Variants in ZNF804B observed in about 807,000 individuals in gnomAD.
The protein encoded by ZNF804B is zinc finger 804B.
In ZNF804B, 80 loss-of-function variants were observed where a neutral mutation model predicts 101.4. That is an observed-to-expected ratio of 0.79 (90% CI 0.66 to 0.95). The LOEUF (loss-of-function observed/expected upper bound fraction) is 0.95. Ranked by LOEUF, ZNF804B falls within the 40% of genes least tolerant of loss-of-function variation. The pLI, the probability that ZNF804B is intolerant of heterozygous loss-of-function variation, is 0.00. For synonymous variants in ZNF804B, 622 were observed against 558.8 expected (o/e 1.11, Z -1.59); for missense variants, 1,673 against 1,561.9 (o/e 1.07, Z -1.20).
intron 1 of ZNF804B, among the ~76,000 whole-genome samples, chr7:88,886,261 A>G (rs1392628657): frequency 6.6e-6 from 1 of 151,990 alleles, no homozygotes; most frequent in Non-Finnish European, 1.5e-5. Flanking sequence ...CTTGCTCTGC[A>G]TGGATGTATA....
At chr7:88,962,205 T>C (rs1276361981) in intron 1 of ZNF804B, among the ~76,000 whole-genome samples, 2 of 151,300 alleles carry the variant, frequency 1.3e-5, no homozygotes, top group Non-Finnish European at 3.0e-5. Flanking sequence ...CCAGAAGTTG[T>C]TTTGTAGAAT....
intron 1 of ZNF804B, among the ~76,000 whole-genome samples, chr7:88,819,877 A>T (rs907561103): frequency 1.3e-5 from 2 of 152,112 alleles, no homozygotes; most frequent in Non-Finnish European, 2.9e-5. Context: ...GAACTGACCC[A>T]TTTGTATTGG....
intron 2 of ZNF804B, among the ~76,000 whole-genome samples, chr7:89,248,393 G>A (rs1789484206): frequency 6.6e-6 from 1 of 150,436 alleles, no homozygotes; most frequent in African/African-American, 2.5e-5. Flanking sequence ...AACACTATCA[G>A]GCTAACAGTG....
chr7:89,241,893 CTT>C (rs76245356), intron 2 of ZNF804B, among the ~76,000 whole-genome samples: 3 of 133,594 alleles, frequency 2.2e-5, no homozygotes, highest in Admixed American at 7.5e-5. Flanking sequence ...CTACCTTTTT[CTT>C]TTTTTTTTTT....
At chr7:88,833,379 C>G (rs1791161237) in intron 1 of ZNF804B, among the ~76,000 whole-genome samples, 1 of 151,966 alleles carries the variant, frequency 6.6e-6, no homozygotes, top group Admixed American at 6.6e-5. Flanking sequence ...GGGATGAAAA[C>G]TGCTGTCTTG....
intron 1 of ZNF804B, among the ~76,000 whole-genome samples, chr7:88,870,811 A>T (rs2115878521): frequency 6.6e-6 from 1 of 152,286 alleles, no homozygotes; most frequent in Non-Finnish European, 1.5e-5. Flanking sequence ...TAAACAAAAT[A>T]TTCTTGAATC....
chr7:89,296,090 C>T (rs1296798465), intron 2 of ZNF804B, among the ~76,000 whole-genome samples: 2 of 152,074 alleles, frequency 1.3e-5, no homozygotes, highest in African/African-American at 2.4e-5. Flanking sequence ...TGTCAGAATT[C>T]ATCACTATAT....
At chr7:89,144,915 G>T (rs1790770637) in intron 1 of ZNF804B, among the ~76,000 whole-genome samples, 1 of 151,782 alleles carries the variant, frequency 6.6e-6, no homozygotes, top group Non-Finnish European at 1.5e-5. Context: ...AGTCCACCTT[G>T]GGCCAAATGG....
At chr7:88,905,057 C>T (rs1351408064) in intron 1 of ZNF804B, among the ~76,000 whole-genome samples, 5 of 152,070 alleles carry the variant, frequency 3.3e-5, no homozygotes, top group Non-Finnish European at 5.9e-5. Flanking sequence ...CAACTTTTGC[C>T]TGTTTAGTAT....
intron 2 of ZNF804B, among the ~76,000 whole-genome samples, chr7:89,268,895 T>TA (rs1789840971): frequency 1.3e-5 from 2 of 152,104 alleles, no homozygotes; most frequent in Non-Finnish European, 2.9e-5. Flanking sequence ...AAGAGAAGAC[T>TA]CAGATCAGGC....
rs1261617236 is a variant in ZNF804B, at chr7:88,845,291, G to GCGCA, written c.108+85208_108+85209insGCAC. Among the ~76,000 whole-genome samples, 248 of 106,534 alleles carry GCGCA rather than the reference G, an allele frequency of 2.3e-3. 1 individual carries two copies. The highest frequency in any genetic ancestry group is 9.1e-3 in the African/African-American group (235 of 25,778). The allele number at this position is 106,534 out of a possible 152,430, so 69.9% of individuals were successfully genotyped here. On this transcript the variant is annotated intron_variant, in intron 1 of 3. Coordinates refer to ENST00000333190, the MANE Select transcript of ZNF804B (RefSeq NM_181646.5). ...TGCGCATGTGTGCGCACGCGCGCGC[G>GCGCA]CACGCGCGCGCACACACACACACAC...
intron 1 of ZNF804B, among the ~76,000 whole-genome samples, chr7:89,134,924 T>C (rs1430253250): frequency 6.6e-6 from 1 of 152,096 alleles, no homozygotes; most frequent in East Asian, 1.9e-4. Context: ...GTGCCTGTTA[T>C]TTTTGGTCAG....
intron 1 of ZNF804B, among the ~76,000 whole-genome samples, chr7:89,214,377 C>A (rs7776494): frequency 0.71 from 108,090 of 151,892 alleles, 39,113 homozygotes; most frequent in African/African-American, 0.77. Context: ...TGAATGAATT[C>A]ATTATATATC....
At chr7:88,788,810 G>A (rs1226394140) in intron 1 of ZNF804B, among the ~76,000 whole-genome samples, 1 of 152,136 alleles carries the variant, frequency 6.6e-6, no homozygotes, top group Non-Finnish European at 1.5e-5. Context: ...TGCAACTAGA[G>A]TGATCAGGGA....
intron 1 of ZNF804B, among the ~76,000 whole-genome samples, chr7:88,919,899 T>A (rs1454373183): frequency 6.6e-6 from 1 of 152,082 alleles, no homozygotes; most frequent in South Asian, 2.1e-4. Flanking sequence ...AGACATGTGT[T>A]AAGTACAGAA....
At chr7:89,220,030 TACGC>T (rs2115705030) in intron 2 of ZNF804B, among the ~76,000 whole-genome samples, 1 of 138,514 alleles carries the variant, frequency 7.2e-6, no homozygotes, top group African/African-American at 2.8e-5. Context: ...TACATATATA[TACGC>T]ACATATATGT....
intron 1 of ZNF804B, among the ~76,000 whole-genome samples, chr7:88,965,291 G>T (rs932386087): frequency 6.6e-6 from 1 of 151,320 alleles, no homozygotes; most frequent in African/African-American, 2.4e-5. Context: ...ATAGGTTAAA[G>T]AGATTCTCTC....
At chr7:89,189,903 A>G (rs1422973385) in intron 1 of ZNF804B, among the ~76,000 whole-genome samples, 1 of 152,162 alleles carries the variant, frequency 6.6e-6, no homozygotes, top group African/African-American at 2.4e-5. Flanking sequence ...ATAAATTTAT[A>G]ATGCCATAGA....
intron 1 of ZNF804B, among the ~76,000 whole-genome samples, chr7:88,972,962 C>A (rs991237744): frequency 6.6e-6 from 1 of 151,346 alleles, no homozygotes; most frequent in Non-Finnish European, 1.5e-5. Context: ...TGATACTATT[C>A]TTATTTCATG....
Sources: gnomAD v4.1 joint callset for allele counts (sites outside exome capture counted in the v4.1 genomes callset) on GRCh38, gnomAD v4.1.1 for gene constraint, MANE v1.5 for transcripts, NCBI Gene and HGNC (gene_info 2026-07-23, HGNC 2026-07-21) for gene names.